The following MAGI1 variants were observed in gnomAD, a reference collection of about 807,000 sequenced individuals.
MAGI1 encodes membrane-associated guanylate kinase, WW and PDZ domain-containing protein 1.
A neutral mutation model predicts 139.9 loss-of-function variants in MAGI1; 58 were observed. The ratio of observed to expected loss-of-function variants is 0.41; its 90% CI spans 0.34 to 0.52. MAGI1 has a LOEUF of 0.52. Among genes scored for constraint, MAGI1 ranks in the 20% least tolerant of loss-of-function variants. MAGI1 has a pLI of 0.12. For synonymous variants in MAGI1, 812 were observed against 737.9 expected (o/e 1.10, Z -1.63); for missense variants, 1,874 against 1,901.6 (o/e 0.99, Z 0.27).
chr3:65,852,979 C>CAAAA (rs57460083), intron 1 of MAGI1, among the ~76,000 whole-genome samples: 1 of 104,238 alleles, frequency 9.6e-6, no homozygotes. Flanking sequence ...ACTAAAAATA[C>CAAAA]AAAAAAAAAA....
Position 65,812,390 on chromosome 3 carries a change from A to G in MAGI1, c.314-190302T>C, listed in dbSNP as rs545356608. Among the ~76,000 whole-genome samples the G allele has an allele frequency of 1.6e-3, 245 of 152,008 alleles. 1 individual carries two copies. The highest frequency in any genetic ancestry group is 5.6e-3 in the African/African-American group (234 of 41,438). ...CACACACTGCTGTGACCCTAAATAC[A>G]TTACGGTTGAAAAAATTACAGGATT... On this transcript the variant is annotated intron_variant, in intron 1 of 22. Transcript: ENST00000402939.
In MAGI1 at chr3:65,919,298, A is replaced by G. The variant is rs1001228294; in HGVS notation, c.313+118698T>C. Among the ~76,000 whole-genome samples the G allele has an allele frequency of 1.6e-4, 24 of 152,354 alleles. No homozygotes were observed. In the East Asian group the frequency reaches 2.9e-3, roughly 18 times the overall value. On this transcript the variant is annotated intron_variant, in intron 1 of 22. Coordinates refer to ENST00000402939, the MANE Select transcript of MAGI1 (RefSeq NM_001033057.2). Reference sequence around the variant, plus strand: ...ACACAAGGGCCAGATGTAATGGCTCATGCCTGTAAATTCCAGCACTTTGGG... The same window carrying G: ...ACACAAGGGCCAGATGTAATGGCTCGTGCCTGTAAATTCCAGCACTTTGGG...
chr3:65,736,199 C>A (rs889669701), intron 1 of MAGI1, among the ~76,000 whole-genome samples: 5 of 152,180 alleles, frequency 3.3e-5, no homozygotes, highest in Non-Finnish European at 5.9e-5. Flanking sequence ...ACTTTGATTT[C>A]TATCATTCTA....
chr3:65,519,380 A>G (rs2107793847), intron 2 of MAGI1, among the ~76,000 whole-genome samples: 1 of 69,632 alleles, frequency 1.4e-5, no homozygotes, highest in East Asian at 3.3e-4. Flanking sequence ...ACACACACAC[A>G]CACACATATA....
chr3:65,865,067 G>A (rs150596187), intron 1 of MAGI1, among the ~76,000 whole-genome samples: 2 of 152,198 alleles, frequency 1.3e-5, no homozygotes, highest in Non-Finnish European at 2.9e-5. Flanking sequence ...CAATATTGTA[G>A]ATATGTACAT....
chr3:66,000,269 C>T (rs1229450859), intron 1 of MAGI1, among the ~76,000 whole-genome samples: 3 of 152,076 alleles, frequency 2.0e-5, no homozygotes, highest in East Asian at 3.9e-4. Context: ...AGCCACCGCG[C>T]CCAGCCCTTG....
chr3:65,625,541 T>C (rs1230044913), intron 1 of MAGI1, among the ~76,000 whole-genome samples: 2 of 152,222 alleles, frequency 1.3e-5, no homozygotes, highest in East Asian at 1.9e-4. Context: ...AACACTGATG[T>C]AATATTAGCT....
chr3:65,552,956 C>A (rs969260047), intron 2 of MAGI1, among the ~76,000 whole-genome samples: 1 of 152,118 alleles, frequency 6.6e-6, no homozygotes, highest in Admixed American at 6.5e-5. Context: ...GGAATTATAT[C>A]CTCCTGCAAC....
At chr3:65,516,718 CTTTTTTTTTTTTTTT>C (rs71102867) in intron 2 of MAGI1, among the ~76,000 whole-genome samples, 1,560 of 67,052 alleles carry the variant, frequency 0.023, 67 homozygotes, top group African/African-American at 0.083. Context: ...CATCCCACCT[CTTTTTTTTTTTTTTT>C]TTTTTTTTTT....
At chr3:65,938,862 A>G (rs1041861014) in intron 1 of MAGI1, among the ~76,000 whole-genome samples, 1 of 152,180 alleles carries the variant, frequency 6.6e-6, no homozygotes, top group African/African-American at 2.4e-5. Flanking sequence ...CAAAGACAAA[A>G]GAACTGGTGG....
chr3:65,423,380 A>G (rs554624696), intron 12 of MAGI1, among the ~76,000 whole-genome samples: 2 of 150,564 alleles, frequency 1.3e-5, no homozygotes, highest in South Asian at 2.1e-4. Flanking sequence ...GCGTGCACAC[A>G]CGCGCACACA....
At chr3:65,425,899 C>T (rs965913986) in intron 12 of MAGI1, among the ~76,000 whole-genome samples, 13 of 152,032 alleles carry the variant, frequency 8.6e-5, no homozygotes, top group African/African-American at 3.1e-4. Context: ...ATAGCTTTTA[C>T]AAATTAAAAA....
At chr3:65,546,753 T>G (rs2079525796) in intron 2 of MAGI1, among the ~76,000 whole-genome samples, 1 of 152,188 alleles carries the variant, frequency 6.6e-6, no homozygotes. Context: ...TTAGGTGTGG[T>G]GTTAATTCTC....
In MAGI1 at chr3:65,470,504, G is replaced by C; in HGVS notation, c.758-20C>G. On this transcript the variant is annotated intron_variant, in intron 4 of 22. Coordinates refer to ENST00000402939, the MANE Select transcript of MAGI1 (RefSeq NM_001033057.2). ...AATCGGCTGCTTAATCATGTGAAGA[G>C]GTGAGAGAGAGAGAGAGAGAAAAAA... 1.3e-6 allele frequency: 2 copies of C among 1,534,112 alleles called. No individual in the cohort carries two copies. Among genetic ancestry groups the C allele is most frequent in the Non-Finnish European group, 8.9e-7 (1 of 1,122,386 alleles).
intron 18 of MAGI1, among the ~76,000 whole-genome samples, chr3:65,370,385 C>T (rs1941868354): frequency 1.3e-5 from 2 of 152,218 alleles, no homozygotes; most frequent in African/African-American, 4.8e-5. Flanking sequence ...CAACCAAATT[C>T]CTGAAACATC....
chr3:65,876,375 T>C (rs2060119200), intron 1 of MAGI1, among the ~76,000 whole-genome samples: 1 of 151,968 alleles, frequency 6.6e-6, no homozygotes, highest in South Asian at 2.1e-4. Context: ...AATATAATTA[T>C]AGTGTCCTAT....
intron 1 of MAGI1, among the ~76,000 whole-genome samples, chr3:65,661,858 C>T (rs569126234): frequency 6.7e-6 from 1 of 148,532 alleles, no homozygotes; most frequent in African/African-American, 2.5e-5. Flanking sequence ...TGCCATTCTC[C>T]TGCCTCAGCC....
chr3:65,793,421 G>A (rs2039918416), intron 1 of MAGI1, among the ~76,000 whole-genome samples: 2 of 152,198 alleles, frequency 1.3e-5, no homozygotes, highest in South Asian at 4.1e-4. Flanking sequence ...TGAATCCCAG[G>A]ATCTCAGAAA....
At chr3:65,991,734 G>C (rs755073897) in intron 1 of MAGI1, among the ~76,000 whole-genome samples, 1 of 152,098 alleles carries the variant, frequency 6.6e-6, no homozygotes. Flanking sequence ...ATAAATCCAG[G>C]CCAGGCACGG....
Sources: gnomAD v4.1 joint callset for allele counts (sites outside exome capture counted in the v4.1 genomes callset) on GRCh38, gnomAD v4.1.1 for gene constraint, MANE v1.5 for transcripts, NCBI Gene and HGNC (gene_info 2026-07-23, HGNC 2026-07-21) for gene names.